Variants in MARK1 observed in about 807,000 individuals in gnomAD.
MARK1 encodes the protein serine/threonine-protein kinase MARK1.
In MARK1, 40 loss-of-function variants were observed where a neutral mutation model predicts 96.3. The ratio of observed to expected loss-of-function variants is 0.42; its 90% CI spans 0.32 to 0.54. The LOEUF (loss-of-function observed/expected upper bound fraction) is 0.54. Ranked by LOEUF, MARK1 falls within the 20% of genes least tolerant of loss-of-function variation. MARK1 has a pLI of 0.16. For synonymous variants in MARK1, 317 were observed against 341.2 expected (o/e 0.93, Z 0.78); for missense variants, 719 against 984.6 (o/e 0.73, Z 3.61).
chr1:220,618,299 T>C lies in MARK1; in HGVS notation c.553-11T>C. 1 of 1,514,080 alleles carries C rather than the reference T, an allele frequency of 6.6e-7. No individual in the cohort carries two copies. The highest frequency in any genetic ancestry group is 1.1e-5 in the South Asian group (1 of 88,506). 93.8% of individuals were successfully genotyped at this position (1,514,080 alleles called of 1,614,324 possible). A position where few individuals can be genotyped will look rare whatever the true frequency, so the allele number is the denominator to read the frequency against. ...CTTTTTACATTGTTCTTTCTATTAT[T>C]TTCCTCTTAGGCTGAAAACCTTCTC... On this transcript the variant is annotated splice_polypyrimidine_tract_variant and intron_variant, in intron 7 of 17. Coordinates refer to ENST00000366917, the MANE Select transcript of MARK1 (RefSeq NM_018650.5). This position sits in a 1 kb window ranked among gnomAD's most constrained non-coding sequence, Gnocchi z 4.6.
At chr1:220,626,481 C>A in intron 9 of MARK1, 1 of 535,748 alleles carries the variant, frequency 1.9e-6, no homozygotes, top group Admixed American at 1.9e-5. Flanking sequence ...TACAGTGTGG[C>A]TCAGACTCCT....
chr1:220,572,793 C>T (rs1014874863), intron 1 of MARK1, among the ~76,000 whole-genome samples: 2 of 152,128 alleles, frequency 1.3e-5, no homozygotes, highest in South Asian at 4.1e-4. Context: ...ATTTTACCCT[C>T]TATTGTTACT....
rs1660080654 is a variant in MARK1, at chr1:220,528,639, C to T, written c.-184C>T. On this transcript the variant is annotated 5_prime_UTR_variant, in exon 1 of 18. Coordinates refer to ENST00000366917, the MANE Select transcript of MARK1 (RefSeq NM_018650.5). Reference sequence around the variant, plus strand: ...CCGCCGCGGGAAGCGGCTCCCCCTCCTCTTCCTCCGCGTCCTCTTCCCTCT... The same window carrying T: ...CCGCCGCGGGAAGCGGCTCCCCCTCTTCTTCCTCCGCGTCCTCTTCCCTCT... The T allele has an allele frequency of 3.9e-6, 2 of 509,192 alleles. No homozygotes were observed. Among genetic ancestry groups the T allele is most frequent in the Non-Finnish European group, 3.4e-6 (1 of 290,222 alleles). 31.5% of individuals were successfully genotyped at this position (509,192 alleles called of 1,614,324 possible).
chr1:220,602,351 G>A (rs1283266832), intron 5 of MARK1, among the ~76,000 whole-genome samples: 3 of 152,138 alleles, frequency 2.0e-5, no homozygotes, highest in African/African-American at 7.2e-5. Flanking sequence ...TTTATAAAAT[G>A]CTTACCATGT....
At chr1:220,533,024 T>A (rs1397371258) in intron 1 of MARK1, among the ~76,000 whole-genome samples, 2 of 138,360 alleles carry the variant, frequency 1.4e-5, no homozygotes, top group African/African-American at 2.6e-5. Flanking sequence ...AAAAAAAAAA[T>A]AGATTTTAGA....
At chr1:220,651,473 A>G (rs76126585) in intron 14 of MARK1, among the ~76,000 whole-genome samples, 2,212 of 152,308 alleles carry the variant, frequency 0.015, 30 homozygotes, top group Middle Eastern at 0.044. Context: ...GATTTTTCCT[A>G]TACTAAATTT....
intron 1 of MARK1, among the ~76,000 whole-genome samples, chr1:220,532,454 T>A (rs1011411454): frequency 6.6e-6 from 1 of 152,316 alleles, no homozygotes; most frequent in East Asian, 1.9e-4. Flanking sequence ...GTACAGTATA[T>A]AAGAAATCAG....
At chr1:220,600,658 G>A (rs1287726097) in intron 5 of MARK1, among the ~76,000 whole-genome samples, 3 of 152,102 alleles carry the variant, frequency 2.0e-5, no homozygotes, top group Non-Finnish European at 1.5e-5. Context: ...GGTTTTAAGG[G>A]CTCAGGATTT....
At chr1:220,606,444 A>G (rs964741105) in intron 6 of MARK1, among the ~76,000 whole-genome samples, 4 of 152,132 alleles carry the variant, frequency 2.6e-5, no homozygotes, top group Admixed American at 2.6e-4. Context: ...AGATGGGTAG[A>G]TTGCAAAACT....
chr1:220,568,353 G>T (rs918864759), intron 1 of MARK1, among the ~76,000 whole-genome samples: 1 of 152,124 alleles, frequency 6.6e-6, no homozygotes, highest in African/African-American at 2.4e-5. Flanking sequence ...AGAGAAGAAT[G>T]TTCTAGGCAG....
chr1:220,632,241 T>C lies in MARK1; in HGVS notation c.1050T>C (p.Asn350=), dbSNP rs112870225. 3.5e-5 allele frequency: 55 copies of C among 1,558,116 alleles called. No homozygotes were observed. The African/African-American group carries it at 6.7e-4, about 19-fold the overall frequency. ...TGGGCTTTGCACGAGATGAAATAAATGATGCCTTAATAAATCAGAAGTATG... is the reference window on the plus strand; with the variant it reads ...TGGGCTTTGCACGAGATGAAATAAACGATGCCTTAATAAATCAGAAGTATG... ...VTMGFARDEI[N]DALINQKYDE... is the part of the protein sequence containing the mutation. Residue 350 remains asparagine (N), a synonymous_variant, in exon 11 of 18, where the codon AAT becomes AAC. Transcript: ENST00000366917.
intron 6 of MARK1, among the ~76,000 whole-genome samples, chr1:220,610,341 C>T (rs921965935): frequency 8.5e-5 from 13 of 152,280 alleles, no homozygotes; most frequent in East Asian, 3.9e-4. Flanking sequence ...TTGATCGAAT[C>T]GGCTATTGAA....
intron 4 of MARK1, among the ~76,000 whole-genome samples, chr1:220,598,991 C>G (rs569510128): frequency 6.6e-6 from 1 of 151,692 alleles, no homozygotes; most frequent in African/African-American, 2.4e-5. Flanking sequence ...AAAAAAGTCT[C>G]TAAATAGATA....
chr1:220,631,708 A>C (rs1023320235), intron 10 of MARK1, among the ~76,000 whole-genome samples: 2 of 152,136 alleles, frequency 1.3e-5, no homozygotes, highest in African/African-American at 4.8e-5. Context: ...TTGAGGGCAG[A>C]GTGGCAGGGG....
At chr1:220,538,744 C>T (rs1187060053) in intron 1 of MARK1, among the ~76,000 whole-genome samples, 1 of 152,128 alleles carries the variant, frequency 6.6e-6, no homozygotes, top group Admixed American at 6.5e-5. Context: ...TCTTTTATTT[C>T]CTTGAGCAGT....
intron 10 of MARK1, 39 bp downstream of exon 10, chr1:220,631,173 C>T: frequency 7.0e-7 from 1 of 1,430,456 alleles, no homozygotes; most frequent in Non-Finnish European, 9.8e-7. Flanking sequence ...TGTCCCTAGG[C>T]AACAAGTAAG....
In MARK1 at chr1:220,579,494, A is replaced by G. The variant is rs774875100; in HGVS notation, c.192A>G (p.Lys64=). The G allele has an allele frequency of 1.2e-6, 2 of 1,614,116 alleles. No individual in the cohort carries two copies. The highest frequency in any genetic ancestry group is 2.2e-5 in the South Asian group (2 of 91,078). The change falls in exon 2 of 18, where the codon AAA becomes AAG. Residue 64 remains lysine, a synonymous_variant. Transcript: ENST00000366917. ...QPHIGNYRLQ[K]TIGKGNFAKV... ...ACATTGGAAATTACCGTTTACAAAA[A>G]ACAATAGGGAAGGGAAATTTTGCCA...
At chr1:220,615,440 A>G (rs2102960604) in intron 6 of MARK1, among the ~76,000 whole-genome samples, 1 of 152,296 alleles carries the variant, frequency 6.6e-6, no homozygotes, top group East Asian at 1.9e-4. Flanking sequence ...ATAAATATAG[A>G]TATTGCTAAA....
At chr1:220,596,552 C>G (rs184626321) in intron 3 of MARK1, among the ~76,000 whole-genome samples, 2 of 152,208 alleles carry the variant, frequency 1.3e-5, no homozygotes, top group Admixed American at 6.6e-5. Context: ...TGCACACATA[C>G]AGACTCCCTG....
Sources: gnomAD v4.1 joint callset for allele counts (sites outside exome capture counted in the v4.1 genomes callset) on GRCh38, gnomAD v4.1.1 for gene constraint, Gnocchi (gnomAD v3.1) non-coding constraint, MANE v1.5 for transcripts, NCBI Gene and HGNC (gene_info 2026-07-23, HGNC 2026-07-21) for gene names.